Variants in PDZD2 observed in about 807,000 individuals in gnomAD.
The protein encoded by PDZD2 is PDZ domain-containing protein 2.
A neutral mutation model predicts 220.7 loss-of-function variants in PDZD2; 90 were observed. The observed-to-expected ratio is 0.41, with a 90% CI of 0.34 to 0.49. The LOEUF is 0.49. PDZD2 is among the 20% of genes least tolerant of loss of function. The probability of loss-of-function intolerance (pLI) is 0.28; values close to 1 mark genes in which losing one functional copy is unlikely to be tolerated. For missense variants in PDZD2, 3,174 were observed against 3,608.5 expected, an observed-to-expected ratio of 0.88 and a Z score of 3.08; for synonymous variants, 1,375 against 1,450.5, an observed-to-expected ratio of 0.95 and a Z score of 1.18.
intron 5 of PDZD2, among the ~76,000 whole-genome samples, chr5:32,003,155 CCA>C (rs1752429010): frequency 5.8e-5 from 2 of 34,360 alleles, no homozygotes; most frequent in Non-Finnish European, 1.9e-4. Flanking sequence ...CCACACACCA[CCA>C]ACACACACAC....
intron 2 of PDZD2, among the ~76,000 whole-genome samples, chr5:31,980,894 G>A (rs1315188593): frequency 6.6e-6 from 1 of 151,990 alleles, no homozygotes; most frequent in Non-Finnish European, 1.5e-5. Context: ...AGCGATTCTC[G>A]TGCCTCAATT....
At chr5:31,857,176 G>A (rs1178300519) in intron 2 of PDZD2, among the ~76,000 whole-genome samples, 2 of 152,038 alleles carry the variant, frequency 1.3e-5, no homozygotes. Context: ...GTGCCCCAGA[G>A]ACAACCATTT....
chr5:31,704,052 A>T (rs1312108530), intron 1 of PDZD2, among the ~76,000 whole-genome samples: 1 of 144,470 alleles, frequency 6.9e-6, no homozygotes, highest in Non-Finnish European at 1.5e-5. Context: ...TTGCTGTATC[A>T]CCCAGGCTGG....
intron 2 of PDZD2, among the ~76,000 whole-genome samples, chr5:31,869,430 G>A (rs1176351756): frequency 1.3e-5 from 2 of 152,126 alleles, no homozygotes; most frequent in Non-Finnish European, 2.9e-5. Context: ...GGGCGTGGTG[G>A]CGGGCGCCTG....
intron 5 of PDZD2, among the ~76,000 whole-genome samples, chr5:32,009,575 A>G (rs1753121020): frequency 6.6e-6 from 1 of 151,452 alleles, no homozygotes; most frequent in African/African-American, 2.4e-5. Context: ...AAAATAAAAA[A>G]TTTTAATTAG....
At chr5:32,066,252 G>A (rs1430112495) in intron 14 of PDZD2, among the ~76,000 whole-genome samples, 3 of 152,140 alleles carry the variant, frequency 2.0e-5, no homozygotes, top group African/African-American at 7.2e-5. Flanking sequence ...GGCTGAGGCA[G>A]GAGAATTGCT....
rs1743900990 is a variant in PDZD2 at position 32,098,157 on chromosome 5, C to T, written c.7948-207C>T. 6.6e-6 allele frequency among the ~76,000 whole-genome samples: 1 copy of T among 152,120 alleles called. No homozygotes were observed. The highest frequency in any genetic ancestry group is 1.5e-5 in the Non-Finnish European group (1 of 68,020). On this transcript the variant is annotated intron_variant, in intron 22 of 24. Coordinates refer to ENST00000438447, the MANE Select transcript of PDZD2 (RefSeq NM_178140.4). This position sits in a 1 kb window ranked among gnomAD's most constrained non-coding sequence, Gnocchi z 4.1. ...CCTATAATCCCAGCTACTCAGGAGG[C>T]TGAGGCAGGAGAATCGCTTGAACCC...
chr5:32,025,386 G>A (rs1210409317), intron 6 of PDZD2, among the ~76,000 whole-genome samples: 2 of 151,744 alleles, frequency 1.3e-5, no homozygotes, highest in Admixed American at 6.6e-5. Flanking sequence ...TTAGCCGAGC[G>A]TGGTGGCACA....
chr5:31,651,716 C>G (rs933849327), intron 1 of PDZD2, among the ~76,000 whole-genome samples: 1 of 152,138 alleles, frequency 6.6e-6, no homozygotes, highest in African/African-American at 2.4e-5. Flanking sequence ...ACTGCAGCCT[C>G]AACCTCCCAG....
chr5:31,649,696 A>T (rs1016463109), intron 1 of PDZD2, among the ~76,000 whole-genome samples: 1 of 152,240 alleles, frequency 6.6e-6, no homozygotes, highest in South Asian at 2.1e-4. Context: ...GCACTCTGGG[A>T]GGCCAAGGCA....
chr5:31,730,025 G>C (rs564408062), intron 1 of PDZD2, among the ~76,000 whole-genome samples: 105 of 152,056 alleles, frequency 6.9e-4, no homozygotes, highest in African/African-American at 2.5e-3. Context: ...ACAGGGTTTC[G>C]CCATGTTGGC....
chr5:31,890,976 C>T (rs1740972776), intron 2 of PDZD2, among the ~76,000 whole-genome samples: 2 of 152,312 alleles, frequency 1.3e-5, no homozygotes, highest in South Asian at 2.1e-4. Flanking sequence ...GTCAGTGCGT[C>T]TGGCAACCGT....
At chr5:31,788,545 G>A (rs978871070) in intron 1 of PDZD2, among the ~76,000 whole-genome samples, 3 of 151,834 alleles carry the variant, frequency 2.0e-5, no homozygotes, top group South Asian at 2.1e-4. Flanking sequence ...GGCGCCTGTA[G>A]TCCCAGCTGC....
At chr5:31,769,131 G>A (rs1382948438) in intron 1 of PDZD2, among the ~76,000 whole-genome samples, 2 of 152,206 alleles carry the variant, frequency 1.3e-5, no homozygotes, top group Admixed American at 6.5e-5. Flanking sequence ...TGCAGCCGGA[G>A]AGCCCCACTG....
intron 1 of PDZD2, among the ~76,000 whole-genome samples, chr5:31,724,796 T>C (rs181831496): frequency 5.3e-4 from 80 of 152,286 alleles, no homozygotes; most frequent in African/African-American, 1.8e-3. Context: ...AGTGTTGTAC[T>C]GTGGCTACCA....
intron 1 of PDZD2, among the ~76,000 whole-genome samples, chr5:31,735,774 G>A (rs879465691): frequency 1.3e-5 from 2 of 152,070 alleles, no homozygotes; most frequent in Non-Finnish European, 2.9e-5. Flanking sequence ...GTGAAACCCC[G>A]TCTCTACTAA....
At chr5:31,644,682 A>G (rs751565738) in intron 1 of PDZD2, among the ~76,000 whole-genome samples, 16 of 152,336 alleles carry the variant, frequency 1.1e-4, no homozygotes, top group Non-Finnish European at 1.9e-4. Flanking sequence ...AACAGTCTCC[A>G]TTCTGAAAGT....
chr5:31,941,119 C>T (rs1746181047), intron 2 of PDZD2, among the ~76,000 whole-genome samples: 1 of 152,206 alleles, frequency 6.6e-6, no homozygotes, highest in African/African-American at 2.4e-5. Flanking sequence ...TCATGGTGCT[C>T]TTTAATGGAA....
At chr5:32,020,264 A>G (rs1008456096) in intron 6 of PDZD2, among the ~76,000 whole-genome samples, 5 of 152,134 alleles carry the variant, frequency 3.3e-5, no homozygotes, top group African/African-American at 9.7e-5. Flanking sequence ...TGACCTCCCA[A>G]AGTGCTGGGA....
Sources: allele counts gnomAD v4.1 joint callset (sites outside exome capture counted in the v4.1 genomes callset), GRCh38; gene constraint gnomAD v4.1.1; non-coding constraint Gnocchi (gnomAD v3.1); transcripts MANE v1.5; gene names NCBI Gene and HGNC (gene_info 2026-07-23, HGNC 2026-07-21).